The following PARD3 variants were observed in gnomAD, a reference collection of about 807,000 sequenced individuals.
PARD3 encodes the protein partitioning defective 3 homolog.
A neutral mutation model predicts 155.4 loss-of-function variants in PARD3; 75 were observed. The observed-to-expected ratio is 0.48, with a 90% CI of 0.40 to 0.58. PARD3 has a LOEUF of 0.58. Ranked by LOEUF, PARD3 falls within the 20% of genes least tolerant of loss-of-function variation. PARD3 has a pLI of 0.00. For synonymous variants in PARD3, 576 were observed against 610.5 expected (o/e 0.94, Z 0.83); for missense variants, 1,642 against 1,721.7 (o/e 0.95, Z 0.82).
At chr10:34,445,122 T>G (rs2076672542) in intron 5 of PARD3, among the ~76,000 whole-genome samples, 1 of 152,052 alleles carries the variant, frequency 6.6e-6, no homozygotes, top group Admixed American at 6.5e-5. Context: ...CTTTATTATA[T>G]GTTTAATAGC....
intron 14 of PARD3, among the ~76,000 whole-genome samples, chr10:34,352,904 G>A (rs531787788): frequency 4.0e-5 from 6 of 151,178 alleles, no homozygotes; most frequent in Admixed American, 6.6e-5. Context: ...AGTGAGGAGC[G>A]TCTCTGCCCG....
At chr10:34,765,740 C>G (rs375782406) in intron 1 of PARD3, among the ~76,000 whole-genome samples, 1 of 151,912 alleles carries the variant, frequency 6.6e-6, no homozygotes, top group Non-Finnish European at 1.5e-5. Context: ...TATCGTTAAG[C>G]GCTTATTTCT....
intron 22 of PARD3, among the ~76,000 whole-genome samples, chr10:34,185,903 G>T (rs1950472701): frequency 1.3e-5 from 2 of 150,924 alleles, no homozygotes; most frequent in Admixed American, 1.3e-4. Context: ...GAGTTTTACA[G>T]TTTAAAAAGT....
chr10:34,245,917 A>T (rs1399778407), intron 22 of PARD3, among the ~76,000 whole-genome samples: 2 of 152,222 alleles, frequency 1.3e-5, no homozygotes, highest in Non-Finnish European at 2.9e-5. Flanking sequence ...TGGAAATCAT[A>T]CCAGTGACAG....
chr10:34,430,066 C>G (rs1554855121), intron 5 of PARD3, among the ~76,000 whole-genome samples: 1 of 152,176 alleles, frequency 6.6e-6, no homozygotes, highest in Non-Finnish European at 1.5e-5. Flanking sequence ...GCAGCTTAGC[C>G]ATAATGCTAG....
intron 20 of PARD3, among the ~76,000 whole-genome samples, chr10:34,286,402 G>A (rs1956392630): frequency 6.6e-6 from 1 of 152,218 alleles, no homozygotes; most frequent in African/African-American, 2.4e-5. Flanking sequence ...GTGCTAAGGG[G>A]GAAAGCAAAG....
chr10:34,131,441 T>C (rs772233213), intron 23 of PARD3, 22 bp downstream of exon 23: 1 of 1,613,800 alleles, frequency 6.2e-7, no homozygotes, highest in South Asian at 1.1e-5. Flanking sequence ...CCATTCACCG[T>C]GCTGAAGAAC....
At chr10:34,547,990 C>A (rs944342773) in intron 2 of PARD3, among the ~76,000 whole-genome samples, 1 of 152,162 alleles carries the variant, frequency 6.6e-6, no homozygotes, top group African/African-American at 2.4e-5. Context: ...GGTATGGACA[C>A]CTTCGGGCCA....
At position 34,217,740 on chromosome 10, in the gene PARD3, C is replaced by T. The variant is rs989828963; in HGVS notation, c.3419+51917G>A. On this transcript the variant is annotated intron_variant, in intron 22 of 24. Coordinates refer to ENST00000374788, the MANE Select transcript of PARD3 (RefSeq NM_001184785.2). ...GATTTTGAATCGTGGGATATTTATTCAGTTCATATTTACTGAATTCCTATT... is the reference window on the plus strand; with the variant it reads ...GATTTTGAATCGTGGGATATTTATTTAGTTCATATTTACTGAATTCCTATT... Among the ~76,000 whole-genome samples, 96 of 152,130 alleles carry T rather than the reference C, an allele frequency of 6.3e-4. 2 individuals carry two copies. Among genetic ancestry groups the T allele is most frequent in the Non-Finnish European group, 6.3e-4 (43 of 68,026 alleles).
chr10:34,605,179 A>ATTTTTTTTTTTTTTTTTTTT (rs1564404102), intron 2 of PARD3, among the ~76,000 whole-genome samples: 1 of 114,180 alleles, frequency 8.8e-6, no homozygotes, highest in African/African-American at 3.7e-5. Context: ...CCCAAAATGA[A>ATTTTTTTTTTTTTTTTTTTT]ATTTTTTTTT....
chr10:34,792,829 T>C (rs1420511588), intron 1 of PARD3, among the ~76,000 whole-genome samples: 1 of 152,262 alleles, frequency 6.6e-6, no homozygotes. Context: ...GCTCACTCGC[T>C]CTTAAATGTT....
At chr10:34,461,330 C>A (rs550445038) in intron 4 of PARD3, among the ~76,000 whole-genome samples, 4 of 152,236 alleles carry the variant, frequency 2.6e-5, no homozygotes, top group African/African-American at 7.2e-5. Context: ...TGAAGCCAGG[C>A]ATGGTGGCTG....
intron 2 of PARD3, among the ~76,000 whole-genome samples, chr10:34,562,231 G>A (rs892782700): frequency 8.0e-5 from 12 of 150,092 alleles, no homozygotes; most frequent in African/African-American, 1.5e-4. Context: ...GAAGTCAGGA[G>A]TTTGAGACCA....
chr10:34,810,113 T>A (rs1194241692), intron 1 of PARD3, among the ~76,000 whole-genome samples: 3 of 152,058 alleles, frequency 2.0e-5, no homozygotes, highest in Non-Finnish European at 4.4e-5. Context: ...AGGTCAAGCA[T>A]CCCTAATTGA....
Position 34,617,221 on chromosome 10 carries a change from C to T in PARD3, c.222+79097G>A, listed in dbSNP as rs541400665. Among the ~76,000 whole-genome samples the T allele has an allele frequency of 3.9e-5, 6 of 152,068 alleles. No individual in the cohort carries two copies. In the South Asian group the frequency reaches 1.2e-3, roughly 32 times the overall value. ...AGTGAGCCGAGATCACGCACCATTA[C>T]ACTCCAGCCTGGGCGACAGAGCAAG... On this transcript the variant is annotated intron_variant, in intron 2 of 24. Coordinates refer to ENST00000374788, the MANE Select transcript of PARD3 (RefSeq NM_001184785.2).
Position 34,382,693 on chromosome 10 carries a change from C to T in PARD3, c.1246G>A (p.Asp416Asn). ...PRLNHPPEQI[D>N]SHSRLPHSAH... is the part of the protein sequence containing the mutation. Reference sequence around the variant, plus strand: ...CTATGAGGTAGTCTTGAGTGAGAGTCTATCTGCTCAGGCGGGTGGTTCAGT... The same window carrying T: ...CTATGAGGTAGTCTTGAGTGAGAGTTTATCTGCTCAGGCGGGTGGTTCAGT... Residue 416 changes from aspartate to asparagine, a missense_variant, in exon 9 of 25, where the codon GAC becomes AAC. Transcript: ENST00000374788. The T allele has an allele frequency of 6.2e-7, 1 of 1,614,148 alleles. No homozygotes were observed. Among genetic ancestry groups the T allele is most frequent in the South Asian group, 1.1e-5 (1 of 91,082 alleles).
chr10:34,149,180 A>AT (rs1948665274), intron 22 of PARD3, among the ~76,000 whole-genome samples: 1 of 152,154 alleles, frequency 6.6e-6, no homozygotes, highest in Admixed American at 6.5e-5. Flanking sequence ...CCATTTGAGT[A>AT]TTTTTAAATA....
chr10:34,774,630 GAACT>G (rs1839311750), intron 1 of PARD3, among the ~76,000 whole-genome samples: 1 of 152,172 alleles, frequency 6.6e-6, no homozygotes, highest in Admixed American at 6.5e-5. Flanking sequence ...AAAGACAAAT[GAACT>G]AATTTATAAT....
intron 20 of PARD3, among the ~76,000 whole-genome samples, chr10:34,306,303 T>C (rs1016299711): frequency 1.5e-4 from 22 of 150,212 alleles, no homozygotes; most frequent in African/African-American, 5.4e-4. Context: ...AAAATTAATG[T>C]TTTTTAATTT....
Sources: allele counts gnomAD v4.1 joint callset (sites outside exome capture counted in the v4.1 genomes callset), GRCh38; gene constraint gnomAD v4.1.1; transcripts MANE v1.5; gene names NCBI Gene and HGNC (gene_info 2026-07-23, HGNC 2026-07-21).